METTL15: variants seen among roughly 807,000 people sequenced by gnomAD.
METTL15 encodes the protein 12S rRNA N(4)-cytidine methyltransferase METTL15.
Under a neutral mutation model 38.3 loss-of-function variants are expected in METTL15, and 34 were observed. The ratio of observed to expected loss-of-function variants is 0.89; its 90% CI spans 0.68 to 1.18. The LOEUF is 1.18. Ranked by LOEUF, METTL15 falls within the 50% of genes most tolerant of loss-of-function variation. METTL15 has a pLI of 0.00. For missense variants in METTL15, 438 were observed against 498.4 expected, an observed-to-expected ratio of 0.88 and a Z score of 1.15; for synonymous variants, 162 against 170.9, an observed-to-expected ratio of 0.95 and a Z score of 0.41.
chr11:28,237,506 A>C (rs1235582114), intron 4 of METTL15, among the ~76,000 whole-genome samples: 2 of 152,032 alleles, frequency 1.3e-5, no homozygotes. Flanking sequence ...CATTCGTCTA[A>C]ATTTTTTTCA....
intron 6 of METTL15, among the ~76,000 whole-genome samples, chr11:28,464,659 C>G (rs1418181513): frequency 6.6e-6 from 1 of 152,174 alleles, no homozygotes; most frequent in Non-Finnish European, 1.5e-5. Context: ...AGTCTATTTT[C>G]TGTTCCTCAA....
At chr11:28,276,891 C>T (rs1855864385) in intron 4 of METTL15, among the ~76,000 whole-genome samples, 1 of 152,114 alleles carries the variant, frequency 6.6e-6, no homozygotes, top group African/African-American at 2.4e-5. Flanking sequence ...GGACCTCTAT[C>T]TCTCTTCATA....
chr11:28,300,475 G>A (rs1156995691), intron 6 of METTL15, among the ~76,000 whole-genome samples: 3 of 152,090 alleles, frequency 2.0e-5, no homozygotes, highest in Non-Finnish European at 4.4e-5. Flanking sequence ...AAAGTTTGGT[G>A]CGTTTTGCTA....
intron 6 of METTL15, among the ~76,000 whole-genome samples, chr11:28,486,733 A>T (rs1028063760): frequency 1.3e-5 from 2 of 152,146 alleles, no homozygotes; most frequent in Admixed American, 1.3e-4. Context: ...TTCCTAATGT[A>T]TCTTCAGAGT....
intron 6 of METTL15, among the ~76,000 whole-genome samples, chr11:28,436,129 A>T (rs1268476587): frequency 5.3e-5 from 8 of 152,150 alleles, no homozygotes; most frequent in African/African-American, 1.9e-4. Context: ...TACATTTAAA[A>T]TTTTCTTAGT....
intron 3 of METTL15, among the ~76,000 whole-genome samples, chr11:28,134,962 G>T (rs1341120239): frequency 1.3e-5 from 2 of 152,066 alleles, no homozygotes; most frequent in Non-Finnish European, 1.5e-5. Flanking sequence ...CATATGGTAG[G>T]ATTTGCAGGA....
At chr11:28,517,870 A>G (rs1283178703) in intron 6 of METTL15, among the ~76,000 whole-genome samples, 1 of 152,202 alleles carries the variant, frequency 6.6e-6, no homozygotes, top group African/African-American at 2.4e-5. Flanking sequence ...CCTTCTGCCT[A>G]CCTTCAAAGG....
At chr11:28,425,431 T>C (rs938048686) in intron 6 of METTL15, among the ~76,000 whole-genome samples, 3 of 152,382 alleles carry the variant, frequency 2.0e-5, no homozygotes, top group Admixed American at 6.5e-5. Context: ...GTTTGATTTC[T>C]CACATCGTTT....
chr11:28,145,952 G>T (rs571750654), intron 3 of METTL15, among the ~76,000 whole-genome samples: 76 of 152,040 alleles, frequency 5.0e-4, no homozygotes, highest in Middle Eastern at 3.4e-3. Flanking sequence ...TGTTTCCACT[G>T]CTATTTTAAT....
intron 5 of METTL15, among the ~76,000 whole-genome samples, chr11:28,375,537 T>C (rs1850299607): frequency 6.6e-6 from 1 of 152,122 alleles, no homozygotes; most frequent in African/African-American, 2.4e-5. Flanking sequence ...TTTTATTGTG[T>C]CTATTTGATT....
intron 4 of METTL15, among the ~76,000 whole-genome samples, chr11:28,260,632 G>T (rs562963550): frequency 6.6e-6 from 1 of 152,256 alleles, no homozygotes; most frequent in East Asian, 1.9e-4. Flanking sequence ...TCTCTCTACA[G>T]TTGAGCAGAT....
At chr11:28,334,442 T>A (rs761025391), downstream of METTL15, among the ~76,000 whole-genome samples, 1 of 152,122 alleles carries the variant, frequency 6.6e-6, no homozygotes, top group Non-Finnish European at 1.5e-5. Flanking sequence ...TCCTAATTGA[T>A]ATTTTTGTGT....
intron 6 of METTL15, among the ~76,000 whole-genome samples, chr11:28,481,800 C>T (rs1851397482): frequency 6.6e-6 from 1 of 152,102 alleles, no homozygotes; most frequent in Non-Finnish European, 1.5e-5. Context: ...AAGTGCAGCC[C>T]GCTGGGCTCA....
chr11:28,412,281 A>T (rs1288719267), intron 5 of METTL15, among the ~76,000 whole-genome samples: 1 of 151,996 alleles, frequency 6.6e-6, no homozygotes, highest in African/African-American at 2.4e-5. Context: ...CCTCATAAGG[A>T]TGTGTGCATG....
Position 28,253,231 on chromosome 11 carries a change from C to T in METTL15, c.408-36975C>T, listed in dbSNP as rs374492959. On this transcript the variant is annotated intron_variant, in intron 4 of 6. Coordinates refer to ENST00000407364, the MANE Select transcript of METTL15 (RefSeq NM_001113528.2). ...AAACCGAAAGATATTTTCCTTTTCA[C>T]CTCCATCCTCCATTTCCTATCTCAG... Among the ~76,000 whole-genome samples, 5 of 152,294 alleles carry T rather than the reference C, an allele frequency of 3.3e-5. No individual in the cohort carries two copies. In the East Asian group the frequency reaches 7.7e-4, roughly 23 times the overall value.
chr11:28,343,521 G>A (rs757356849), intron 3 of METTL15, among the ~76,000 whole-genome samples: 27 of 152,072 alleles, frequency 1.8e-4, no homozygotes, highest in Non-Finnish European at 2.6e-4. Flanking sequence ...GCACTGTTTG[G>A]GCCTGGGAAA....
intron 6 of METTL15, among the ~76,000 whole-genome samples, chr11:28,435,383 C>A (rs1590373993): frequency 6.6e-6 from 1 of 152,340 alleles, no homozygotes; most frequent in Non-Finnish European, 1.5e-5. Flanking sequence ...ATAGCAGTCA[C>A]TGGTCCATGG....
intron 5 of METTL15, among the ~76,000 whole-genome samples, chr11:28,378,588 A>G (rs1161082090): frequency 6.6e-6 from 1 of 152,146 alleles, no homozygotes; most frequent in African/African-American, 2.4e-5. Context: ...CGGGTACCTC[A>G]GATGGAAATG....
downstream of METTL15, among the ~76,000 whole-genome samples, chr11:28,337,961 A>G (rs917064455): frequency 6.6e-6 from 1 of 152,142 alleles, no homozygotes; most frequent in Admixed American, 6.6e-5. Context: ...GATGTTAATC[A>G]GAACTGGATT....
Sources: allele counts gnomAD v4.1 joint callset (sites outside exome capture counted in the v4.1 genomes callset), GRCh38; gene constraint gnomAD v4.1.1; transcripts MANE v1.5; gene names NCBI Gene and HGNC (gene_info 2026-07-23, HGNC 2026-07-21).